Variants in MOSPD2 observed in about 807,000 individuals in gnomAD.
The protein encoded by MOSPD2 is motile sperm domain-containing protein 2.
Under a neutral mutation model 41.7 loss-of-function variants are expected in MOSPD2, and 5 were observed. The observed-to-expected ratio is 0.12, with a 90% confidence interval of 0.06 to 0.25. MOSPD2 has a LOEUF of 0.25. Among genes scored for constraint, MOSPD2 ranks in the 10% least tolerant of loss-of-function variants. The pLI is 1.00. For synonymous variants in MOSPD2, 115 were observed against 126.9 expected (o/e 0.91, Z 0.63); for missense variants, 282 against 375.2 (o/e 0.75, Z 2.05).
At chrX:14,890,548 T>C (rs984269440) in intron 2 of MOSPD2, among the ~76,000 whole-genome samples, 1 of 111,651 alleles carries the variant, frequency 9.0e-6, no homozygotes, top group African/African-American at 3.3e-5. Flanking sequence ...AAAGCAGCAC[T>C]CTTACAAATG....
At chrX:14,882,043 A>G (rs1419482370) in intron 2 of MOSPD2, among the ~76,000 whole-genome samples, 1 of 110,632 alleles carries the variant, frequency 9.0e-6, no homozygotes, top group Non-Finnish European at 1.9e-5. Context: ...GGATAGCATT[A>G]GGAGATATAC....
At chrX:14,878,784 G>C (rs761649394) in intron 2 of MOSPD2, among the ~76,000 whole-genome samples, 2 of 111,258 alleles carry the variant, frequency 1.8e-5, no homozygotes, top group East Asian at 5.6e-4. Flanking sequence ...GCGCCATGTT[G>C]GTGTGCCAAC....
At chrX:14,911,028 T>G (rs2092590846) in intron 8 of MOSPD2, among the ~76,000 whole-genome samples, 1 of 111,335 alleles carries the variant, frequency 9.0e-6, no homozygotes, top group African/African-American at 3.3e-5. Context: ...GAGCTAAAGA[T>G]CTAAGGTGAT....
At position 14,873,508 on chromosome X, in the gene MOSPD2, A is replaced by G. The variant is rs1188605051; in HGVS notation, c.-21A>G. 3 of 1,210,449 alleles carry G rather than the reference A, an allele frequency of 2.5e-6. No homozygotes were observed. Among genetic ancestry groups the G allele is most frequent in the Admixed American group, 2.2e-5 (1 of 45,962 alleles). On this transcript the variant is annotated 5_prime_UTR_variant, in exon 1 of 15. Coordinates refer to ENST00000380492, the MANE Select transcript of MOSPD2 (RefSeq NM_152581.4). ...AGAACGGGCGACGGCGACAACCGCA[A>G]TCACATCCACGACGGTGATCATGGC...
chrX:14,911,474 C>A, intron 9 of MOSPD2, 61 bp downstream of exon 9: 2 of 868,739 alleles, frequency 2.3e-6, no homozygotes, highest in Admixed American at 3.3e-5. Context: ...AATTCTGACA[C>A]TAGCCAGCTG....
intron 2 of MOSPD2, among the ~76,000 whole-genome samples, chrX:14,886,177 A>G (rs915483865): frequency 7.2e-5 from 8 of 111,247 alleles, no homozygotes; most frequent in African/African-American, 2.6e-4. Flanking sequence ...TTGGGTTTAC[A>G]TTCTCCCATT....
chrX:14,873,798 G>A (rs1198338356), intron 2 of MOSPD2, 40 bp downstream of exon 2: 4 of 1,087,714 alleles, frequency 3.7e-6, no homozygotes, highest in Non-Finnish European at 1.3e-6. Flanking sequence ...GGTGTGCAGT[G>A]AGCATCCCCA....
rs1427656534 is a variant in MOSPD2 at position 14,916,329 on chromosome X, A to G, written c.1316+3A>G. 1 of 1,210,990 alleles carries G rather than the reference A, an allele frequency of 8.3e-7. No individual in the cohort carries two copies. On this transcript the variant is annotated splice_donor_region_variant and intron_variant, in intron 13 of 14. Coordinates refer to ENST00000380492, the MANE Select transcript of MOSPD2 (RefSeq NM_152581.4). ...AGAAACAAAGTGATGGAACATAGGTAAGCTTTTCCCTCACATTCTTCTCAA... is the reference window on the plus strand; with the variant it reads ...AGAAACAAAGTGATGGAACATAGGTGAGCTTTTCCCTCACATTCTTCTCAA...
intron 8 of MOSPD2, 49 bp from the exon 9 acceptor site, chrX:14,911,188 T>C (rs1461105770): frequency 1.9e-6 from 2 of 1,061,461 alleles, no homozygotes; most frequent in Non-Finnish European, 2.6e-6. Flanking sequence ...AAGAGAGTTA[T>C]TTCTCTACCC....
At chrX:14,874,208 A>G (rs1033826992) in intron 2 of MOSPD2, 2 of 130,178 alleles carry the variant, frequency 1.5e-5, no homozygotes, top group Non-Finnish European at 3.1e-5. Flanking sequence ...CTTTCATACA[A>G]CCCAGCATGC....
intron 6 of MOSPD2, among the ~76,000 whole-genome samples, chrX:14,900,983 G>A (rs1400715487): frequency 1.8e-5 from 2 of 111,482 alleles, no homozygotes; most frequent in Non-Finnish European, 3.8e-5. Flanking sequence ...ATTTCAAATA[G>A]TATTTATTAT....
intron 5 of MOSPD2, among the ~76,000 whole-genome samples, chrX:14,899,606 A>ACAC (rs1569103813): frequency 1.9e-5 from 2 of 105,599 alleles, no homozygotes; most frequent in African/African-American, 3.5e-5. Flanking sequence ...ACACACACAC[A>ACAC]AAGGTATTAT....
At chrX:14,915,621 C>G (rs768064817) in intron 11 of MOSPD2, 47 bp from the exon 12 acceptor site, 1 of 938,848 alleles carries the variant, frequency 1.1e-6, no homozygotes, top group Non-Finnish European at 1.5e-6. Context: ...CCATTTCCCC[C>G]CAAAAAAGCA....
intron 4 of MOSPD2, among the ~76,000 whole-genome samples, chrX:14,896,862 G>A (rs554348632): frequency 8.9e-6 from 1 of 112,631 alleles, no homozygotes; most frequent in East Asian, 2.8e-4. Context: ...TCTTACAAGT[G>A]AAATTTGTTT....
chrX:14,892,926 G>T lies in MOSPD2; in HGVS notation c.235+48G>T, dbSNP rs199734749. On this transcript the variant is annotated intron_variant, in intron 3 of 14. Coordinates refer to ENST00000380492, the MANE Select transcript of MOSPD2 (RefSeq NM_152581.4). ...GACTGTAATATATACTGTATAAATG[G>T]TATTGTTTTACATTTATCTAATCAT... 8.3e-5 allele frequency: 78 copies of T among 945,142 alleles called. No individual in the cohort carries two copies. The East Asian group carries it at 2.2e-3, about 27-fold the overall frequency. 77.9% of individuals were successfully genotyped at this position (945,142 alleles called of 1,213,427 possible).
rs935104308 is a variant in MOSPD2 at position 14,916,281 on chromosome X, C to T, written c.1271C>T (p.Thr424Ile). 1 of 1,211,884 alleles carries T rather than the reference C, an allele frequency of 8.3e-7. No homozygotes were observed. Among genetic ancestry groups the T allele is most frequent in the African/African-American group, 1.7e-5 (1 of 57,914 alleles). ...TCTGGCACAGGCCCAGCAGAATTAA[C>T]TCAGTTTTGGAAAGAAGTTCCCAGA... ...QSSGTGPAEL[T>I]QFWKEVPRNK... Residue 424 changes from threonine (T) to isoleucine (I), a missense_variant, in exon 13 of 15, where the codon ACT (threonine) becomes ATT (isoleucine). By Grantham distance (89) the Thr-to-Ile change is moderately conservative. Around this residue, in one of 3 missense-constraint regions of MOSPD2, gnomAD observed 94 missense variants for 102.1 expected, o/e 0.92. Transcript: ENST00000380492.
intron 2 of MOSPD2, among the ~76,000 whole-genome samples, chrX:14,888,856 A>G (rs2092548067): frequency 9.0e-6 from 1 of 110,818 alleles, no homozygotes; most frequent in Non-Finnish European, 1.9e-5. Flanking sequence ...ATCTTTCTGT[A>G]ACATCTTGTC....
Position 14,873,777 on chromosome X carries a change from G to C in MOSPD2, c.79+19G>C. ...GTGACAGGTGGGTACTCTGTTCCAGGTATTAAGAAAGGTGTGCAGTGAGCA... is the reference window on the plus strand; with the variant it reads ...GTGACAGGTGGGTACTCTGTTCCAGCTATTAAGAAAGGTGTGCAGTGAGCA... On this transcript the variant is annotated intron_variant, in intron 2 of 14. Transcript: ENST00000380492. 1.7e-6 allele frequency: 2 copies of C among 1,178,567 alleles called. No homozygotes were observed. The highest frequency in any genetic ancestry group is 2.3e-6 in the Non-Finnish European group (2 of 865,060).
intron 6 of MOSPD2, among the ~76,000 whole-genome samples, chrX:14,901,097 A>T (rs1425228135): frequency 8.9e-6 from 1 of 112,204 alleles, no homozygotes; most frequent in Non-Finnish European, 1.9e-5. Context: ...CTGCTACTTA[A>T]AAATTGTCAT....
Sources: allele counts gnomAD v4.1 joint callset (sites outside exome capture counted in the v4.1 genomes callset), GRCh38; gene constraint gnomAD v4.1.1; regional missense constraint gnomAD v4.1.1; transcripts MANE v1.5; gene names NCBI Gene and HGNC (gene_info 2026-07-23, HGNC 2026-07-21).